LRRC37A2: variants seen among roughly 807,000 people sequenced by gnomAD.
The protein encoded by LRRC37A2 is leucine rich repeat containing 37 member A2, also known as leucine-rich repeat-containing protein 37A2.
Under a neutral mutation model 68.8 loss-of-function variants are expected in LRRC37A2, and 9 were observed. The observed-to-expected ratio is 0.13, with a 90% CI of 0.08 to 0.23. The LOEUF is 0.23. LRRC37A2 is among the 10% of genes least tolerant of loss of function. The pLI, the probability that LRRC37A2 is intolerant of heterozygous loss-of-function variation, is 1.00. For missense variants in LRRC37A2, 168 were observed against 950.4 expected (o/e 0.18, Z 10.82); for synonymous variants, 63 against 367.6 (o/e 0.17, Z 9.48).
At chr17:46,979,295 C>G in the LRRC37A2 span, 280 of 262,144 alleles carry the variant, frequency 1.1e-3, 2 homozygotes, top group African/African-American at 5.7e-3. Flanking sequence ...GCCTGGCCGC[C>G]CCTCCCCTAG....
chr17:47,004,011 G>C, the LRRC37A2 span, among the ~76,000 whole-genome samples: 1 of 152,130 alleles, frequency 6.6e-6, no homozygotes. Context: ...GAGAATGATG[G>C]TTTCCAGCTT....
At chr17:47,014,371 C>G in the LRRC37A2 span, among the ~76,000 whole-genome samples, 4,053 of 139,404 alleles carry the variant, frequency 0.029, 176 homozygotes, top group African/African-American at 0.1. Context: ...GCCTGGATGA[C>G]AGAGCAAGAC....
At chr17:47,030,197 G>C in the LRRC37A2 span, among the ~76,000 whole-genome samples, 2 of 149,658 alleles carry the variant, frequency 1.3e-5, no homozygotes, top group Admixed American at 6.7e-5. Context: ...AATCACAGTT[G>C]ATAAAAATTA....
the LRRC37A2 span, among the ~76,000 whole-genome samples, chr17:46,498,248 TC>T: frequency 1.4e-5 from 2 of 146,102 alleles, no homozygotes; most frequent in African/African-American, 2.7e-5. Context: ...GACTTCTAGA[TC>T]CATTTTCCTA....
At chr17:46,569,291 G>A in the LRRC37A2 span, among the ~76,000 whole-genome samples, 22 of 149,894 alleles carry the variant, frequency 1.5e-4, no homozygotes, top group Admixed American at 4.6e-4. Context: ...TAAGGACTAG[G>A]TGCTAGATAT....
the LRRC37A2 span, chr17:46,922,947 A>G: frequency 3.1e-5 from 18 of 586,802 alleles, no homozygotes; most frequent in Non-Finnish European, 5.2e-5. Context: ...TTCAGCGAAC[A>G]TGTACACCGC....
the LRRC37A2 span, among the ~76,000 whole-genome samples, chr17:46,880,656 C>T: frequency 0.066 from 9,984 of 152,306 alleles, 429 homozygotes; most frequent in Non-Finnish European, 0.099. Flanking sequence ...GAAGCCTCCT[C>T]ATTGCAACTG....
chr17:46,804,339 G>A, the LRRC37A2 span, among the ~76,000 whole-genome samples: 3 of 152,026 alleles, frequency 2.0e-5, no homozygotes, highest in African/African-American at 7.3e-5. Flanking sequence ...TGCCTGCCTC[G>A]GCCTCCCAAA....
At chr17:47,002,744 G>A in the LRRC37A2 span, among the ~76,000 whole-genome samples, 2 of 151,718 alleles carry the variant, frequency 1.3e-5, no homozygotes, top group African/African-American at 4.8e-5. Context: ...CCAGCCTATT[G>A]TGCTCTCTAA....
At chr17:46,924,141 C>T in the LRRC37A2 span, 2 of 323,678 alleles carry the variant, frequency 6.2e-6, no homozygotes, top group Non-Finnish European at 1.1e-5. Context: ...CCTTCCAGAA[C>T]ACCTAGTAAC....
chr17:46,493,727 C>T, the LRRC37A2 span, among the ~76,000 whole-genome samples: 17 of 149,896 alleles, frequency 1.1e-4, no homozygotes, highest in South Asian at 1.7e-3. Context: ...TTAGTAGAGA[C>T]GGGGTTTCAC....
chr17:46,840,011 CT>C, the LRRC37A2 span, among the ~76,000 whole-genome samples: 37 of 82,970 alleles, frequency 4.5e-4, no homozygotes, highest in African/African-American at 1.5e-3. Flanking sequence ...TTCTTTCTTT[CT>C]TTCTTTCTTT....
the LRRC37A2 span, among the ~76,000 whole-genome samples, chr17:46,707,802 T>TG: frequency 2.0e-5 from 3 of 151,962 alleles, no homozygotes; most frequent in Admixed American, 1.3e-4. Context: ...GAGATTGAGG[T>TG]GGGTGGGTCA....
chr17:46,791,738 T>C, the LRRC37A2 span, among the ~76,000 whole-genome samples: 1 of 152,254 alleles, frequency 6.6e-6, no homozygotes, highest in South Asian at 2.1e-4. Flanking sequence ...ACACGTTGTG[T>C]AGAAAAGATA....
chr17:46,907,752 G>C, the LRRC37A2 span, among the ~76,000 whole-genome samples: 12 of 151,634 alleles, frequency 7.9e-5, no homozygotes, highest in Middle Eastern at 3.4e-3. Context: ...CTCAGCGGGG[G>C]GGGTGAGGCA....
the LRRC37A2 span, chr17:46,726,421 A>G: frequency 3.6e-6 from 3 of 835,734 alleles, no homozygotes; most frequent in Non-Finnish European, 6.1e-6. Context: ...ATTCTAATTT[A>G]TTGTAGTCCA....
At chr17:46,770,592 A>C in the LRRC37A2 span, among the ~76,000 whole-genome samples, 1 of 152,194 alleles carries the variant, frequency 6.6e-6, no homozygotes, top group East Asian at 1.9e-4. Context: ...CCCTTTTTGT[A>C]AAATGGACAC....
chr17:46,622,356 G>A, the LRRC37A2 span, among the ~76,000 whole-genome samples: 1 of 150,270 alleles, frequency 6.7e-6, no homozygotes, highest in East Asian at 2.0e-4. Context: ...TACTTGGGAG[G>A]CTGAGGCAGG....
the LRRC37A2 span, among the ~76,000 whole-genome samples, chr17:46,720,643 A>G: frequency 7.2e-5 from 11 of 152,200 alleles, no homozygotes; most frequent in Admixed American, 7.2e-4. Context: ...TATGCTACCA[A>G]ATATGATTAG....
Sources: allele counts gnomAD v4.1 joint callset (sites outside exome capture counted in the v4.1 genomes callset), GRCh38; gene constraint gnomAD v4.1.1; transcripts MANE v1.5; gene names NCBI Gene and HGNC (gene_info 2026-07-23, HGNC 2026-07-21).